The following EPX variants were observed in gnomAD, a reference collection of about 807,000 sequenced individuals.
EPX encodes eosinophil peroxidase.
A neutral mutation model predicts 73.0 loss-of-function variants in EPX; 60 were observed. That is an observed-to-expected ratio of 0.82 (90% CI 0.67 to 1.02). EPX has a LOEUF of 1.02. Ranked by LOEUF, EPX falls within the 50% of genes least tolerant of loss-of-function variation. The pLI is 0.00. For synonymous variants in EPX, 347 were observed against 389.2 expected (o/e 0.89, Z 1.28); for missense variants, 950 against 973.9 (o/e 0.98, Z 0.33).
intron 4 of EPX, 22 bp from the exon 5 acceptor site, chr17:58,193,941 C>A: frequency 6.8e-6 from 11 of 1,612,854 alleles, no homozygotes; most frequent in Non-Finnish European, 9.3e-6. Flanking sequence ...CCCCTGCTAA[C>A]CTATCCCACC....
At chr17:58,197,305 G>T in intron 7 of EPX, 48 bp downstream of exon 7, 1 of 1,602,634 alleles carries the variant, frequency 6.2e-7, no homozygotes. Flanking sequence ...AGCCATCCCT[G>T]GGGTCCCAAC....
chr17:58,200,133 T>C, intron 9 of EPX, 92 bp from the exon 10 acceptor site: 2 of 1,266,742 alleles, frequency 1.6e-6, no homozygotes, highest in South Asian at 1.2e-5. Flanking sequence ...GACTGGCTTG[T>C]CCAGCTCTGG....
rs781540225 is a variant in EPX, at chr17:58,193,781, C to G, written c.414C>G (p.Ala138=). The part of the protein sequence containing the change: ...QASGCALRDQ[A]ERCSDKYRTI... ...GTGGCTGTGCTCTCCGGGACCAGGC[C>G]GAGCGCTGCAGCGACAAGTACCGCA... is the stretch of plus-strand genomic sequence containing the variant. Residue 138 remains alanine (A), a synonymous_variant, in exon 4 of 13, where the codon GCC becomes GCG. Transcript: ENST00000225371. The G allele has an allele frequency of 2.5e-6, 4 of 1,613,112 alleles. No individual in the cohort carries two copies. The South Asian group carries it at 4.4e-5, about 18-fold the overall frequency.
intron 7 of EPX, among the ~76,000 whole-genome samples, chr17:58,198,527 C>T (rs1026032290): frequency 9.9e-5 from 15 of 152,176 alleles, no homozygotes; most frequent in African/African-American, 3.6e-4. Flanking sequence ...TGTAGTAGGT[C>T]TGTTCGTAAG....
chr17:58,194,143 G>T, intron 5 of EPX, 51 bp downstream of exon 5: 2 of 1,593,240 alleles, frequency 1.3e-6, no homozygotes, highest in Non-Finnish European at 8.6e-7. Flanking sequence ...TAAATGCGGG[G>T]AGTAAAACAC....
intron 10 of EPX, 179 bp from the exon 11 acceptor site, chr17:58,202,902 T>C: frequency 3.1e-6 from 2 of 652,352 alleles, no homozygotes; most frequent in Non-Finnish European, 5.5e-6. Flanking sequence ...CACTCACATT[T>C]TCAATCAGAG....
In EPX at chr17:58,199,551, C is replaced by T. The variant is rs374068273; in HGVS notation, c.1294C>T (p.Arg432Ter). The change falls in exon 9 of 13, where the codon CGA becomes TGA. Residue 432 changes from arginine (R) to a stop codon, truncating the protein, a stop_gained. Coordinates refer to ENST00000225371, the MANE Select transcript of EPX (RefSeq NM_000502.6). LOFTEE classifies it high-confidence loss of function. ...TCTTCCCTTCCAGATCATCACCTAC[C>T]GAGACTTTCTGCCCCTGGTTCTGGG... is the stretch of plus-strand genomic sequence containing the variant. The part of the protein sequence containing the change: ...MGAMVQIITY[R>*]DFLPLVLGKA... 2.0e-5 allele frequency: 32 copies of T among 1,614,076 alleles called. No homozygotes were observed. Among genetic ancestry groups the T allele is most frequent in the Admixed American group, 3.3e-5 (2 of 60,010 alleles).
Position 58,200,324 on chromosome 17 carries a change from G to T in EPX, c.1637G>T (p.Arg546Leu), listed in dbSNP as rs527248774. ...LVDELRDRLFRQVRRIGLDLA... is the reference protein window; with the variant it reads ...LVDELRDRLFLQVRRIGLDLA... ...GATGAGCTCCGGGACCGGCTGTTTC[G>T]GCAAGTGAGGAGGATTGGGCTGGAC... Residue 546 changes from arginine to leucine, a missense_variant, in exon 10 of 13, where the codon CGG (arginine) becomes CTG (leucine). Transcript: ENST00000225371. The T allele has an allele frequency of 1.2e-6, 2 of 1,614,046 alleles. No homozygotes were observed. Among genetic ancestry groups the T allele is most frequent in the African/African-American group, 2.7e-5 (2 of 74,924 alleles).
rs781540225 is a variant in EPX, at chr17:58,193,781, C to T, written c.414C>T (p.Ala138=). The change falls in exon 4 of 13, where the codon GCC becomes GCT. Residue 138 remains alanine (A), a synonymous_variant. Coordinates refer to ENST00000225371, the MANE Select transcript of EPX (RefSeq NM_000502.6). ...GTGGCTGTGCTCTCCGGGACCAGGC[C>T]GAGCGCTGCAGCGACAAGTACCGCA... ...QASGCALRDQ[A]ERCSDKYRTI... 6.2e-6 allele frequency: 10 copies of T among 1,612,994 alleles called. No homozygotes were observed. Among genetic ancestry groups the T allele is most frequent in the African/African-American group, 5.3e-5 (4 of 74,896 alleles).
intron 11 of EPX, among the ~76,000 whole-genome samples, 196 bp from the exon 12 acceptor site, chr17:58,204,026 A>T: frequency 7.0e-6 from 1 of 143,110 alleles, no homozygotes; most frequent in East Asian, 2.1e-4. Flanking sequence ...AGCCCTGGCC[A>T]CTTAAATTAC....
At chr17:58,194,177 C>CCTGGG in intron 5 of EPX, 85 bp downstream of exon 5, 2 of 1,422,698 alleles carry the variant, frequency 1.4e-6, no homozygotes, top group Non-Finnish European at 2.0e-6. Context: ...GCAGGCAGGG[C>CCTGGG]TTGAACCCAG....
chr17:58,198,604 T>C (rs369935760), intron 7 of EPX, among the ~76,000 whole-genome samples: 16 of 152,332 alleles, frequency 1.1e-4, no homozygotes, highest in African/African-American at 1.9e-4. Flanking sequence ...AGCAGTATTA[T>C]ACCAAGCCCA....
rs201265792 is a variant in EPX, at chr17:58,204,228, G to C, written c.1953G>C (p.Trp651Cys). The C allele has an allele frequency of 1.8e-4, 293 of 1,613,616 alleles. No homozygotes were observed. The highest frequency in any genetic ancestry group is 2.3e-4 in the Non-Finnish European group (268 of 1,179,654). Residue 651 changes from tryptophan (W) to cysteine (C), a missense_variant, in exon 12 of 13, where the codon TGG becomes TGC. Physicochemically the swap from Trp to Cys is radical, Grantham distance 215. Coordinates refer to ENST00000225371, the MANE Select transcript of EPX (RefSeq NM_000502.6). ...FRRARDGDRF[W>C]WQKRGVFTKR... ...TCTCTCGACTGCCTGGTAGGTTCTGGTGGCAGAAACGAGGTGTTTTCACCA... is the reference window on the plus strand; with the variant it reads ...TCTCTCGACTGCCTGGTAGGTTCTGCTGGCAGAAACGAGGTGTTTTCACCA...
chr17:58,202,869 G>T, intron 10 of EPX: 1 of 607,304 alleles, frequency 1.6e-6, no homozygotes, highest in Non-Finnish European at 3.0e-6. Flanking sequence ...TCCTCAGTCT[G>T]ATGCACACTG....
intron 6 of EPX, among the ~76,000 whole-genome samples, chr17:58,196,359 C>T (rs992787486): frequency 3.9e-5 from 6 of 152,204 alleles, no homozygotes; most frequent in Admixed American, 1.3e-4. Context: ...CCACCTGCCT[C>T]GGCCTCCCAA....
Position 58,197,188 on chromosome 17 carries a change from T to C in EPX, c.1051T>C (p.Phe351Leu), listed in dbSNP as rs751959437. The C allele has an allele frequency of 5.0e-6, 8 of 1,613,754 alleles. No individual in the cohort carries two copies. The highest frequency in any genetic ancestry group is 4.5e-5 in the East Asian group (2 of 44,888). Reference protein sequence around the residue: ...FQDNGRALLPFDNLHDDPCLL... With the variant: ...FQDNGRALLPLDNLHDDPCLL... ...AGACAACGGCCGGGCCCTGCTGCCC[T>C]TCGACAACCTGCACGATGACCCCTG... is the stretch of plus-strand genomic sequence containing the variant. Residue 351 changes from phenylalanine (F) to leucine (L), a missense_variant, in exon 7 of 13, where the codon TTC (phenylalanine) becomes CTC (leucine). Phe to Leu is a conservative substitution (Grantham distance 22, BLOSUM62 0). Coordinates refer to ENST00000225371, the MANE Select transcript of EPX (RefSeq NM_000502.6).
chr17:58,202,969 G>C (rs1968360875), intron 10 of EPX, 112 bp from the exon 11 acceptor site: 1 of 795,008 alleles, frequency 1.3e-6, no homozygotes, highest in Non-Finnish European at 2.2e-6. Flanking sequence ...GGATCTTCTG[G>C]TTCTGCCCAA....
chr17:58,200,077 T>C (rs897944372), intron 9 of EPX, 148 bp from the exon 10 acceptor site: 5 of 784,696 alleles, frequency 6.4e-6, no homozygotes, highest in Admixed American at 2.1e-5. Context: ...AGCTGCTTCA[T>C]GTCTCTCCAG....
chr17:58,200,780 C>T (rs1968329967), intron 10 of EPX, among the ~76,000 whole-genome samples: 2 of 152,184 alleles, frequency 1.3e-5, no homozygotes, highest in East Asian at 1.9e-4. Context: ...GCTACAGAAA[C>T]GCTCCTTGCT....
Sources: gnomAD v4.1 joint callset for allele counts (sites outside exome capture counted in the v4.1 genomes callset) on GRCh38, gnomAD v4.1.1 for gene constraint, MANE v1.5 for transcripts, NCBI Gene and HGNC (gene_info 2026-07-23, HGNC 2026-07-21) for gene names.